CCNB3: variants seen among roughly 807,000 people sequenced by gnomAD.
CCNB3 encodes cyclin B3.
In CCNB3, 12 loss-of-function variants were observed where a neutral mutation model predicts 68.0. The ratio of observed to expected loss-of-function variants is 0.18; its 90% CI spans 0.11 to 0.29. The LOEUF (loss-of-function observed/expected upper bound fraction) is 0.29, where lower values mean the gene tolerates loss of function less well. CCNB3 is among the 10% of genes least tolerant of loss of function. The pLI is 1.00. For synonymous variants in CCNB3, 354 were observed against 388.9 expected (o/e 0.91, Z 1.06); for missense variants, 904 against 993.1 (o/e 0.91, Z 1.21).
chrX:50,303,946 G>T (rs964784128), intron 5 of CCNB3, among the ~76,000 whole-genome samples: 12 of 111,612 alleles, frequency 1.1e-4, no homozygotes, highest in African/African-American at 3.9e-4. Context: ...TTTCTTCTAA[G>T]AATTTTAAAG....
chrX:50,324,060 ACT>A (rs1557216952), intron 8 of CCNB3, among the ~76,000 whole-genome samples: 1 of 111,934 alleles, frequency 8.9e-6, no homozygotes. Flanking sequence ...ACAGGGTCTC[ACT>A]CTGTCACCCA....
chrX:50,297,660 C>G (rs1297140862), intron 5 of CCNB3, among the ~76,000 whole-genome samples: 1 of 111,705 alleles, frequency 9.0e-6, no homozygotes, highest in African/African-American at 3.2e-5. Flanking sequence ...TTTTCCAATT[C>G]TGTGAAGAAA....
At position 50,342,075 on chromosome X, in the gene CCNB3, C is replaced by G; in HGVS notation, c.3517-127C>G. 6 of 747,370 alleles carry G rather than the reference C, an allele frequency of 8.0e-6. No homozygotes were observed. The South Asian group carries it at 1.4e-4, about 18-fold the overall frequency. 61.6% of individuals were successfully genotyped at this position (747,370 alleles called of 1,213,427 possible). A position where few individuals can be genotyped will look rare whatever the true frequency, so the allele number is the denominator to read the frequency against. ...ACCTAGCTGAAGCAGTTTCTGTATT[C>G]GTAGCAGAGTCCCAGCTAGTCAGGA... On this transcript the variant is annotated intron_variant, in intron 8 of 12. Coordinates refer to ENST00000376042, the MANE Select transcript of CCNB3 (RefSeq NM_033031.3).
intron 5 of CCNB3, among the ~76,000 whole-genome samples, chrX:50,296,108 T>A (rs1414437437): frequency 9.0e-6 from 1 of 111,473 alleles, no homozygotes; most frequent in Non-Finnish European, 1.9e-5. Context: ...CTGACTTTAT[T>A]TTTTTATGTT....
chrX:50,293,994 A>T (rs1557210476), intron 4 of CCNB3, among the ~76,000 whole-genome samples: 1 of 111,651 alleles, frequency 9.0e-6, no homozygotes, highest in Non-Finnish European at 1.9e-5. Context: ...GGAGTACAGT[A>T]GCGTGGTTGA....
chrX:50,288,757 A>G (rs954883259), intron 3 of CCNB3, 23 bp from the exon 4 acceptor site: 4 of 1,125,242 alleles, frequency 3.6e-6, no homozygotes, highest in Non-Finnish European at 4.9e-6. Context: ...GGATATACTC[A>G]TTTACCTCTT....
Position 50,309,233 on chromosome X carries a change from C to T in CCNB3, c.1064C>T (p.Thr355Ile). 1 of 1,210,618 alleles carries T rather than the reference C, an allele frequency of 8.3e-7. No individual in the cohort carries two copies. The highest frequency in any genetic ancestry group is 3.0e-5 in the East Asian group (1 of 33,791). ...ILKKSLALQK[T>I]NFKEDSLVKE... ...AAGAAATCATTGGCCTTGCAGAAGA[C>T]CAACTTTAAAGAGGATTCCCTTGTT... The change falls in exon 6 of 13, where the codon ACC (threonine) becomes ATC (isoleucine). Residue 355 changes from threonine to isoleucine, a missense_variant. Coordinates refer to ENST00000376042, the MANE Select transcript of CCNB3 (RefSeq NM_033031.3).
chrX:50,344,720 T>C (rs1293278298), intron 9 of CCNB3, among the ~76,000 whole-genome samples: 1 of 111,748 alleles, frequency 8.9e-6, no homozygotes, highest in Non-Finnish European at 1.9e-5. Context: ...GAAAATGGCG[T>C]GATGTTGATG....
chrX:50,227,697 A>G (rs1235883636), intron 1 of CCNB3, among the ~76,000 whole-genome samples: 41 of 89,863 alleles, frequency 4.6e-4, no homozygotes, highest in Non-Finnish European at 6.6e-4. Flanking sequence ...AAATATATAT[A>G]GAGAGAATAT....
chrX:50,203,564 T>C (rs1409320050), upstream of CCNB3, among the ~76,000 whole-genome samples: 1 of 112,573 alleles, frequency 8.9e-6, no homozygotes, highest in East Asian at 2.8e-4. Flanking sequence ...AGCAGCTTCA[T>C]GCAACCATAC....
intron 3 of CCNB3, among the ~76,000 whole-genome samples, chrX:50,288,331 T>C (rs1388905484): frequency 9.1e-6 from 1 of 110,300 alleles, no homozygotes; most frequent in East Asian, 2.8e-4. Context: ...ATTAAACTGA[T>C]CTACCTGAAA....
chrX:50,228,091 A>G (rs2147002201), intron 1 of CCNB3, among the ~76,000 whole-genome samples: 1 of 85,915 alleles, frequency 1.2e-5, no homozygotes, highest in East Asian at 3.3e-4. Flanking sequence ...TTTAGAGAAT[A>G]TATATAATAT....
chrX:50,280,425 T>G (rs1406781901), intron 1 of CCNB3, among the ~76,000 whole-genome samples: 2 of 108,482 alleles, frequency 1.8e-5, no homozygotes, highest in Non-Finnish European at 3.8e-5. Flanking sequence ...ATTGAGCTAT[T>G]AGCAAAGTAC....
chrX:50,308,382 T>C (rs1001739709), intron 5 of CCNB3, 123 bp from the exon 6 acceptor site: 1 of 473,506 alleles, frequency 2.1e-6, no homozygotes, highest in African/African-American at 2.4e-5. Context: ...CCCTCTAATC[T>C]GTCTTATGGG....
At chrX:50,312,298 G>A (rs890139799) in intron 6 of CCNB3, among the ~76,000 whole-genome samples, 6 of 110,722 alleles carry the variant, frequency 5.4e-5, no homozygotes, top group Non-Finnish European at 7.6e-5. Flanking sequence ...CCATAAAAAG[G>A]GTCCCTTGTT....
intron 4 of CCNB3, among the ~76,000 whole-genome samples, chrX:50,294,407 A>G (rs1000963716): frequency 7.2e-5 from 8 of 111,766 alleles, no homozygotes; most frequent in African/African-American, 2.6e-4. Flanking sequence ...TGGGATAGAT[A>G]TATCACAGGT....
intron 1 of CCNB3, among the ~76,000 whole-genome samples, chrX:50,226,354 A>C (rs1407157042): frequency 4.3e-5 from 2 of 46,512 alleles, no homozygotes; most frequent in Non-Finnish European, 7.1e-5. Context: ...TATATATAAA[A>C]ATATGTATAG....
At chrX:50,225,393 T>C (rs1467101808) in intron 1 of CCNB3, among the ~76,000 whole-genome samples, 1 of 111,520 alleles carries the variant, frequency 9.0e-6, no homozygotes, top group Non-Finnish European at 1.9e-5. Context: ...GTTCATGACG[T>C]AGGCAGGACC....
intron 5 of CCNB3, among the ~76,000 whole-genome samples, chrX:50,302,034 C>A (rs111900133): frequency 0.023 from 2,617 of 112,503 alleles, 64 homozygotes; most frequent in African/African-American, 0.081. Context: ...CCATCTGTCA[C>A]CCCTTTCTTT....
Sources: allele counts gnomAD v4.1 joint callset (sites outside exome capture counted in the v4.1 genomes callset), GRCh38; gene constraint gnomAD v4.1.1; transcripts MANE v1.5; gene names NCBI Gene and HGNC (gene_info 2026-07-23, HGNC 2026-07-21).